The following CDH12 variants were observed in gnomAD, a reference collection of about 807,000 sequenced individuals.
The protein encoded by CDH12 is cadherin-12.
Under a neutral mutation model 74.1 loss-of-function variants are expected in CDH12, and 41 were observed. That is an observed-to-expected ratio of 0.55 (90% CI 0.43 to 0.72). CDH12 has a LOEUF of 0.72. Among genes scored for constraint, CDH12 ranks in the 30% least tolerant of loss-of-function variants. CDH12 has a pLI of 0.00. For missense variants in CDH12, 945 were observed against 977.2 expected (o/e 0.97, Z 0.44); for synonymous variants, 399 against 355.0 (o/e 1.12, Z -1.39).
At chr5:22,783,018 T>G (rs887311651) in intron 1 of CDH12, among the ~76,000 whole-genome samples, 3 of 152,174 alleles carry the variant, frequency 2.0e-5, no homozygotes, top group Admixed American at 2.0e-4. Flanking sequence ...GGGATGTAGA[T>G]CTAGGTGCCA....
chr5:22,497,344 T>A (rs2126649644), intron 2 of CDH12, among the ~76,000 whole-genome samples: 1 of 152,314 alleles, frequency 6.6e-6, no homozygotes, highest in East Asian at 1.9e-4. Context: ...TCAGGCCAGA[T>A]ACCATGAATT....
chr5:22,590,935 T>A (rs1402205509), intron 1 of CDH12, among the ~76,000 whole-genome samples: 2 of 152,064 alleles, frequency 1.3e-5, no homozygotes, highest in African/African-American at 4.8e-5. Context: ...CTGAAGATAG[T>A]TGTAAAATCT....
At chr5:22,323,717 A>G (rs1233049979) in intron 3 of CDH12, among the ~76,000 whole-genome samples, 15 of 152,170 alleles carry the variant, frequency 9.9e-5, no homozygotes, top group Admixed American at 9.2e-4. Flanking sequence ...GGAGACAGAG[A>G]GTTGTATCAC....
chr5:22,562,456 GCCTTTGTCTCT>G (rs1043932572), intron 1 of CDH12, among the ~76,000 whole-genome samples: 3 of 152,170 alleles, frequency 2.0e-5, no homozygotes, highest in South Asian at 2.1e-4. Context: ...AAAATCATTT[GCCTTTGTCTCT>G]CCTTTGTCTC....
At chr5:22,841,979 A>G (rs1046594020) in intron 1 of CDH12, among the ~76,000 whole-genome samples, 1 of 152,164 alleles carries the variant, frequency 6.6e-6, no homozygotes, top group Admixed American at 6.5e-5. Context: ...CATGCATAAT[A>G]AAATATGAAA....
At chr5:22,664,370 C>A (rs953579426) in intron 1 of CDH12, among the ~76,000 whole-genome samples, 2 of 152,060 alleles carry the variant, frequency 1.3e-5, no homozygotes, top group African/African-American at 4.8e-5. Context: ...AAGCAAGGTA[C>A]CTTTTTCACA....
chr5:21,990,022 ACCT>A (rs1008582250), intron 5 of CDH12, among the ~76,000 whole-genome samples: 11 of 151,812 alleles, frequency 7.2e-5, no homozygotes, highest in South Asian at 2.1e-4. Context: ...CTTTTCCACC[ACCT>A]CCTATTTAAT....
chr5:21,834,760 T>C (rs1272842005), intron 8 of CDH12, among the ~76,000 whole-genome samples: 1 of 151,980 alleles, frequency 6.6e-6, no homozygotes, highest in Non-Finnish European at 1.5e-5. Context: ...ACTTCTTTAT[T>C]AAATTATATG....
chr5:22,409,098 A>G (rs1333829653), intron 2 of CDH12, among the ~76,000 whole-genome samples: 2 of 152,100 alleles, frequency 1.3e-5, no homozygotes, highest in African/African-American at 4.8e-5. Context: ...ATTTAAAGGT[A>G]TCTTTTGTGC....
chr5:22,180,506 TTTTA>T (rs1749581744), intron 4 of CDH12, among the ~76,000 whole-genome samples: 1 of 151,734 alleles, frequency 6.6e-6, no homozygotes, highest in African/African-American at 2.4e-5. Context: ...TTGTTTATTT[TTTTA>T]TTTTTTATTT....
intron 5 of CDH12, among the ~76,000 whole-genome samples, chr5:22,055,293 C>T (rs1221340990): frequency 2.6e-5 from 4 of 152,186 alleles, no homozygotes; most frequent in Non-Finnish European, 5.9e-5. Flanking sequence ...CCATTCTGCT[C>T]ACCTGGCATA....
chr5:22,165,927 A>T (rs1202041904), intron 4 of CDH12, among the ~76,000 whole-genome samples: 4 of 152,176 alleles, frequency 2.6e-5, no homozygotes, highest in Non-Finnish European at 4.4e-5. Context: ...TAATCTGAAT[A>T]ATCTACCCCT....
At chr5:22,293,972 TG>T in intron 3 of CDH12, among the ~76,000 whole-genome samples, 1 of 152,246 alleles carries the variant, frequency 6.6e-6, no homozygotes, top group African/African-American at 2.4e-5. Flanking sequence ...AGATGTAAAG[TG>T]TTCTCAGCAC....
intron 1 of CDH12, among the ~76,000 whole-genome samples, chr5:22,540,040 T>C (rs997731972): frequency 6.6e-6 from 1 of 152,218 alleles, no homozygotes; most frequent in African/African-American, 2.4e-5. Context: ...TGTTCTACTG[T>C]GATTTCTTGT....
Position 21,817,042 on chromosome 5 carries a change from G to C in CDH12, c.905C>G (p.Ala302Gly), listed in dbSNP as rs779723483. The change falls in exon 9 of 15, where the codon GCA becomes GGA. Residue 302 changes from alanine (A) to glycine (G), a missense_variant. Physicochemically the swap from Ala to Gly is moderately conservative, Grantham distance 60. Transcript: ENST00000382254. ...RAVDPDFGQN[A>G]EIEYNIVPGD... The stretch of plus-strand genomic sequence containing the variant: ...TGGAACAATATTGTATTCAATTTCT[G>C]CATTTTGTCCAAAATCAGGATCCAC... 5 of 1,612,324 alleles carry C rather than the reference G, an allele frequency of 3.1e-6. No homozygotes were observed. The highest frequency in any genetic ancestry group is 4.2e-6 in the Non-Finnish European group (5 of 1,178,992).
chr5:22,187,127 T>A (rs1438996095), intron 4 of CDH12, among the ~76,000 whole-genome samples: 1 of 152,198 alleles, frequency 6.6e-6, no homozygotes, highest in Non-Finnish European at 1.5e-5. Flanking sequence ...GCACGTGGTT[T>A]GCAACTGATT....
intron 6 of CDH12, among the ~76,000 whole-genome samples, chr5:21,857,109 A>C (rs1750793076): frequency 6.6e-6 from 1 of 151,790 alleles, no homozygotes; most frequent in Non-Finnish European, 1.5e-5. Context: ...TGGAGCATGC[A>C]AATCTCCGAG....
chr5:22,056,247 G>A (rs1238396140), intron 5 of CDH12, among the ~76,000 whole-genome samples: 2 of 151,974 alleles, frequency 1.3e-5, no homozygotes, highest in Admixed American at 1.3e-4. Flanking sequence ...TGATTTGTTT[G>A]TTAACATAAA....
At chr5:21,924,575 C>A (rs891159661) in intron 6 of CDH12, among the ~76,000 whole-genome samples, 1 of 152,050 alleles carries the variant, frequency 6.6e-6, no homozygotes, top group South Asian at 2.1e-4. Context: ...ACTAGCTTTG[C>A]ACTTATCTTC....
Sources: allele counts gnomAD v4.1 joint callset (sites outside exome capture counted in the v4.1 genomes callset), GRCh38; gene constraint gnomAD v4.1.1; transcripts MANE v1.5; gene names NCBI Gene and HGNC (gene_info 2026-07-23, HGNC 2026-07-21).